SINHCAF: variants seen among roughly 807,000 people sequenced by gnomAD.
The protein encoded by SINHCAF is SIN3-HDAC complex-associated factor.
A neutral mutation model predicts 25.8 loss-of-function variants in SINHCAF; 3 were observed. The ratio of observed to expected loss-of-function variants is 0.12; its 90% CI spans 0.05 to 0.30. SINHCAF has a LOEUF of 0.30. SINHCAF is among the 10% of genes least tolerant of loss of function. The pLI is 1.00. For missense variants in SINHCAF, 121 were observed against 262.3 expected (o/e 0.46, Z 3.72); for synonymous variants, 70 against 85.5 (o/e 0.82, Z 1.00).
At chr12:31,312,131 T>C in intron 1 of SINHCAF, 2 of 423,190 alleles carry the variant, frequency 4.7e-6, no homozygotes, top group Non-Finnish European at 9.1e-6. Flanking sequence ...CAATTGGTTT[T>C]TCCTGTTTTT....
At chr12:31,321,992 G>GA (rs199859013) in intron 1 of SINHCAF, among the ~76,000 whole-genome samples, 428 of 141,820 alleles carry the variant, frequency 3.0e-3, no homozygotes, top group Middle Eastern at 3.6e-3. Flanking sequence ...CACTCTGGGG[G>GA]AAAAAAAAAA....
intron 1 of SINHCAF, among the ~76,000 whole-genome samples, chr12:31,313,409 T>C (rs2137124604): frequency 6.6e-6 from 1 of 152,368 alleles, no homozygotes; most frequent in African/African-American, 2.4e-5. Flanking sequence ...GCTCTATTCT[T>C]TTCATATAAT....
chr12:31,288,690 G>C (rs1370632853), intron 4 of SINHCAF, among the ~76,000 whole-genome samples: 3 of 152,130 alleles, frequency 2.0e-5, no homozygotes, highest in African/African-American at 7.2e-5. Context: ...TGTCAAAAAA[G>C]CCAGTTAAAA....
At position 31,282,606 on chromosome 12, in the gene SINHCAF, G is replaced by A. The variant is rs1937848257; in HGVS notation, c.*106C>T. The stretch of plus-strand genomic sequence containing the variant: ...CACTGCACTCCAGCCTGGGTAACAA[G>A]AGCAAAACTCCGTCTCAAAAAAAAA... On this transcript the variant is annotated 3_prime_UTR_variant, in exon 6 of 6. Transcript: ENST00000337682. The A allele has an allele frequency of 6.0e-6, 6 of 1,000,564 alleles. No homozygotes were observed. Among genetic ancestry groups the A allele is most frequent in the Non-Finnish European group, 4.3e-6 (3 of 699,692 alleles). 62.0% of individuals were successfully genotyped at this position (1,000,564 alleles called of 1,614,324 possible). A position where few individuals can be genotyped will look rare whatever the true frequency, so the allele number is the denominator to read the frequency against.
chr12:31,313,534 T>C (rs1939366390), intron 1 of SINHCAF, among the ~76,000 whole-genome samples: 1 of 152,272 alleles, frequency 6.6e-6, no homozygotes, highest in Non-Finnish European at 1.5e-5. Flanking sequence ...CTATTCATTA[T>C]CAAAACAATT....
intron 1 of SINHCAF, among the ~76,000 whole-genome samples, chr12:31,320,389 C>T (rs1367360526): frequency 6.6e-6 from 1 of 152,214 alleles, no homozygotes; most frequent in East Asian, 1.9e-4. Context: ...ACTTATTTTA[C>T]AAAACCCTTC....
intron 2 of SINHCAF, chr12:31,296,993 C>T (rs1592966807): frequency 6.8e-6 from 3 of 442,362 alleles, no homozygotes; most frequent in South Asian, 3.3e-5. Context: ...AATGATCACA[C>T]CTGTGAATAG....
intron 1 of SINHCAF, among the ~76,000 whole-genome samples, chr12:31,313,232 G>A (rs1206797162): frequency 1.3e-5 from 2 of 151,796 alleles, no homozygotes; most frequent in Non-Finnish European, 2.9e-5. Context: ...TCACCATATT[G>A]GCCAGGCTGG....
intron 2 of SINHCAF, 47 bp from the exon 3 acceptor site, chr12:31,295,380 G>T (rs1488937482): frequency 1.6e-6 from 2 of 1,248,682 alleles, no homozygotes; most frequent in Non-Finnish European, 2.3e-6. Context: ...TTACCTTAAA[G>T]AATTCATGCA....
chr12:31,314,321 G>C (rs1007698077), intron 1 of SINHCAF, among the ~76,000 whole-genome samples: 40 of 152,052 alleles, frequency 2.6e-4, no homozygotes, highest in Non-Finnish European at 5.2e-4. Context: ...TCACAAGATT[G>C]AGACCATCCT....
rs919231939 is a variant in SINHCAF, at chr12:31,298,709, C to G, written c.-20-485G>C. On this transcript the variant is annotated intron_variant, in intron 1 of 5. Transcript: ENST00000337682. ...AGCACACAACTAGCTCACTATGCATCAGCCCATACTACTTTGCCTAATGGG... is the reference window on the plus strand; with the variant it reads ...AGCACACAACTAGCTCACTATGCATGAGCCCATACTACTTTGCCTAATGGG... 3.9e-5 allele frequency among the ~76,000 whole-genome samples: 6 copies of G among 152,324 alleles called. No individual in the cohort carries two copies. In the East Asian group the frequency reaches 1.2e-3, roughly 29 times the overall value.
chr12:31,298,901 T>G (rs1011729785), intron 1 of SINHCAF, among the ~76,000 whole-genome samples: 3 of 152,198 alleles, frequency 2.0e-5, no homozygotes, highest in Non-Finnish European at 2.9e-5. Flanking sequence ...AACGAGCTCA[T>G]GTTGTCTGAC....
chr12:31,294,364 C>T (rs903745657), intron 3 of SINHCAF, among the ~76,000 whole-genome samples: 15 of 152,050 alleles, frequency 9.9e-5, no homozygotes, highest in Non-Finnish European at 4.4e-5. Flanking sequence ...GAAAACAAGG[C>T]AAAGATAAAT....
intron 1 of SINHCAF, chr12:31,304,808 T>C (rs1938955594): frequency 6.6e-6 from 1 of 152,124 alleles, no homozygotes; most frequent in Non-Finnish European, 1.5e-5. Context: ...AATGAACTAT[T>C]TTTCCATCCC....
intron 4 of SINHCAF, among the ~76,000 whole-genome samples, chr12:31,292,095 A>G (rs991535753): frequency 2.0e-5 from 3 of 152,368 alleles, no homozygotes; most frequent in East Asian, 3.9e-4. Flanking sequence ...CAAAAGTGAG[A>G]TATCACTTTC....
At chr12:31,297,977 T>C in intron 2 of SINHCAF, 100 bp downstream of exon 2, 5 of 1,189,972 alleles carry the variant, frequency 4.2e-6, no homozygotes, top group Non-Finnish European at 4.8e-6. Flanking sequence ...AAGTGATTTT[T>C]ATTATTAGCA....
chr12:31,287,323 T>C (rs1195836273), intron 5 of SINHCAF, among the ~76,000 whole-genome samples: 1 of 152,244 alleles, frequency 6.6e-6, no homozygotes, highest in Non-Finnish European at 1.5e-5. Context: ...TTATCTCTAG[T>C]ATATTTTTGG....
chr12:31,291,337 T>C (rs1938305074), intron 4 of SINHCAF, among the ~76,000 whole-genome samples: 1 of 152,268 alleles, frequency 6.6e-6, no homozygotes, highest in South Asian at 2.1e-4. Context: ...CCCAGTTCTC[T>C]GATTAGAAAA....
At position 31,325,204 on chromosome 12, in the gene SINHCAF, C is replaced by T; in HGVS notation, c.-21+820G>A. 1 of 456,780 alleles carries T rather than the reference C, an allele frequency of 2.2e-6. No individual in the cohort carries two copies. The highest frequency in any genetic ancestry group is 1.5e-5 in the South Asian group (1 of 64,572). 28.3% of individuals were successfully genotyped at this position (456,780 alleles called of 1,614,324 possible). A position where few individuals can be genotyped will look rare whatever the true frequency, so the allele number is the denominator to read the frequency against. On this transcript the variant is annotated intron_variant, in intron 1 of 5. Transcript: ENST00000337682. This position sits in a 1 kb window ranked among gnomAD's most constrained non-coding sequence, Gnocchi z 5.9. ...GGAAGCCCTCGCGGTGTCGCCCACA[C>T]CTACGCTACAGGTGAACGCACCGGG...
Sources: gnomAD v4.1 joint callset for allele counts (sites outside exome capture counted in the v4.1 genomes callset) on GRCh38, gnomAD v4.1.1 for gene constraint, Gnocchi (gnomAD v3.1) non-coding constraint, MANE v1.5 for transcripts, NCBI Gene and HGNC (gene_info 2026-07-23, HGNC 2026-07-21) for gene names.